Variants in USH2A observed in about 807,000 individuals in gnomAD.
USH2A encodes the protein Usher syndrome 2A (autosomal recessive, mild).
USH2A carries 443 observed loss-of-function variants against 538.9 expected under a neutral mutation model. The observed-to-expected ratio is 0.82, with a 90% CI of 0.76 to 0.89. USH2A has a LOEUF of 0.89. USH2A is among the 40% of genes least tolerant of loss of function. USH2A has a pLI of 0.00. For missense variants in USH2A, 6,633 were observed against 6,324.8 expected, an observed-to-expected ratio of 1.05 and a Z score of -1.65; for synonymous variants, 2,413 against 2,273.5, an observed-to-expected ratio of 1.06 and a Z score of -1.75.
chr1:215,906,486 A>G lies in USH2A; in HGVS notation c.7301-5581T>C, dbSNP rs548444883. 2.0e-5 allele frequency among the ~76,000 whole-genome samples: 3 copies of G among 152,180 alleles called. No homozygotes were observed. The East Asian group carries it at 5.8e-4, about 29-fold the overall frequency. ...TTAAGTTCAAAGGCAGTGCGCTCTT[A>G]ATTTTACACCCTGAAACAGCCTGCT... On this transcript the variant is annotated intron_variant, in intron 38 of 71. Coordinates refer to ENST00000307340, the MANE Select transcript of USH2A (RefSeq NM_206933.4).
At position 216,207,421 on chromosome 1, in the gene USH2A, C is replaced by G. The variant is rs570738406; in HGVS notation, c.3168G>C (p.Gln1056His). The G allele has an allele frequency of 1.9e-6, 3 of 1,613,916 alleles. No homozygotes were observed. The South Asian group carries it at 3.3e-5, about 18-fold the overall frequency. Reference protein sequence around the residue: ...NLLGCSKTPFQQPPPRGQVQS... With the variant: ...NLLGCSKTPFHQPPPRGQVQS... ...GAACTTGTCCTCTGGGCGGAGGTTG[C>G]TGGAATGGAGCTAAATTACAATGAA... Residue 1056 changes from glutamine (Q) to histidine (H), a missense_variant, in exon 16 of 72, where the codon CAG becomes CAC. Coordinates refer to ENST00000307340, the MANE Select transcript of USH2A (RefSeq NM_206933.4).
In USH2A at chr1:215,877,887, CA is replaced by C; in HGVS notation, c.8559-8del. The C allele has an allele frequency of 6.2e-7, 1 of 1,613,514 alleles. No individual in the cohort carries two copies. The highest frequency in any genetic ancestry group is 8.5e-7 in the Non-Finnish European group (1 of 1,179,582). On this transcript the variant is annotated splice_region_variant and splice_polypyrimidine_tract_variant and intron_variant, in intron 42 of 71. Coordinates refer to ENST00000307340, the MANE Select transcript of USH2A (RefSeq NM_206933.4). ...ACGTCTCAGAAGCTCATATCTAAAGCAAAAGACAAGCAGGAACATCAGGATT... is the reference window on the plus strand; with the variant it reads ...ACGTCTCAGAAGCTCATATCTAAAGCAAAGACAAGCAGGAACATCAGGATT...
rs1481712505 is a variant in USH2A at position 216,073,277 on chromosome 1, C to G, written c.5596G>C (p.Val1866Leu). The change falls in exon 28 of 72, where the codon GTT (valine) becomes CTT (leucine). Residue 1866 changes from valine (V) to leucine (L), a missense_variant. By Grantham distance (32) the Val-to-Leu change is conservative. Coordinates refer to ENST00000307340, the MANE Select transcript of USH2A (RefSeq NM_206933.4). Reference protein sequence around the residue: ...EQGFGGCMKDVKFTRGAVVNL... With the variant: ...EQGFGGCMKDLKFTRGAVVNL... The stretch of plus-strand genomic sequence containing the variant: ...ACGACAGCACCCCGTGTAAATTTAA[C>G]ATCCTTCATGCAACCACCGAAACCT... 1.2e-6 allele frequency: 2 copies of G among 1,613,558 alleles called. No individual in the cohort carries two copies.
At chr1:216,401,549 C>A (rs7539704) in intron 3 of USH2A, among the ~76,000 whole-genome samples, 5,094 of 152,032 alleles carry the variant, frequency 0.034, 116 homozygotes, top group South Asian at 0.072. Context: ...AATATGCTAT[C>A]TGTACAACAT....
rs1454474968 is a variant in USH2A at position 215,625,079 on chromosome 1, T to TTA, written c.*701_*702insTA. 1 of 152,300 alleles carries TTA rather than the reference T, an allele frequency of 6.6e-6. No individual in the cohort carries two copies. Among genetic ancestry groups the TTA allele is most frequent in the Non-Finnish European group, 1.5e-5 (1 of 68,088 alleles). The allele number at this position is 152,300 out of a possible 1,614,324, so 9.4% of individuals were successfully genotyped here. ...TTCTCCTCAAAATGTATAAATAAGC[T>TTA]GTTTACTCCTTAGATTTTTGGAAAA... On this transcript the variant is annotated 3_prime_UTR_variant, in exon 72 of 72. Transcript: ENST00000307340.
At position 215,779,832 on chromosome 1, in the gene USH2A, T is replaced by G; in HGVS notation, c.10939+11A>C. On this transcript the variant is annotated intron_variant, in intron 55 of 71. Coordinates refer to ENST00000307340, the MANE Select transcript of USH2A (RefSeq NM_206933.4). Reference sequence around the variant, plus strand: ...CCTCCAGTAGGATTTCCTTTTTTTTTGTTTTCTCACCTGTGACCGTATGCT... The same window carrying G: ...CCTCCAGTAGGATTTCCTTTTTTTTGGTTTTCTCACCTGTGACCGTATGCT... 1.2e-6 allele frequency: 2 copies of G among 1,613,312 alleles called. No homozygotes were observed. Among genetic ancestry groups the G allele is most frequent in the Non-Finnish European group, 1.7e-6 (2 of 1,179,962 alleles).
chr1:215,979,432 G>A (rs75969312), intron 35 of USH2A, among the ~76,000 whole-genome samples: 1 of 152,120 alleles, frequency 6.6e-6, no homozygotes, highest in Non-Finnish European at 1.5e-5. Context: ...GAGACCATTA[G>A]TGTTTTTATG....
At chr1:216,138,126 T>C (rs902749639) in intron 21 of USH2A, among the ~76,000 whole-genome samples, 25 of 152,174 alleles carry the variant, frequency 1.6e-4, no homozygotes, top group Non-Finnish European at 3.7e-4. Context: ...ATATAAACCA[T>C]ATGTAAAAAT....
intron 44 of USH2A, among the ~76,000 whole-genome samples, chr1:215,854,725 AC>A (rs1230337831): frequency 6.6e-6 from 1 of 152,110 alleles, no homozygotes; most frequent in Non-Finnish European, 1.5e-5. Context: ...GATTGATGGG[AC>A]TGTGTGTGCC....
At chr1:216,258,030 A>C (rs185370374) in intron 11 of USH2A, among the ~76,000 whole-genome samples, 4 of 152,192 alleles carry the variant, frequency 2.6e-5, no homozygotes. Flanking sequence ...ATTTTGATTG[A>C]TGCATTTACA....
chr1:216,317,220 C>T (rs574515748), intron 9 of USH2A, among the ~76,000 whole-genome samples: 182 of 152,112 alleles, frequency 1.2e-3, no homozygotes, highest in Middle Eastern at 0.01. Flanking sequence ...CTGTGTATTA[C>T]CAGAAATATA....
chr1:216,340,383 C>G lies in USH2A; in HGVS notation c.785-12729G>C, dbSNP rs967294879. On this transcript the variant is annotated intron_variant, in intron 4 of 71. Transcript: ENST00000307340. ...CAACCAAAAAAAGCACAGGACTAGA[C>G]AGATTCACAGCTGAATTCTACCAGA... 5.9e-5 allele frequency among the ~76,000 whole-genome samples: 9 copies of G among 151,952 alleles called. No individual in the cohort carries two copies. In the South Asian group the frequency reaches 6.2e-4, roughly 10 times the overall value.
intron 44 of USH2A, among the ~76,000 whole-genome samples, chr1:215,860,143 C>T (rs920993742): frequency 6.6e-6 from 1 of 152,186 alleles, no homozygotes; most frequent in African/African-American, 2.4e-5. Flanking sequence ...CACCAGAAAC[C>T]AAGTAAATAC....
rs1175946848 is a variant in USH2A, at chr1:216,376,764, A to T, written c.652-11679T>A. On this transcript the variant is annotated intron_variant, in intron 3 of 71. Coordinates refer to ENST00000307340, the MANE Select transcript of USH2A (RefSeq NM_206933.4). ...AAGGGCCATCAATCAGGCCCTCAAT[A>T]TGTAGACAGATATATAGAAAATCAT... 3.9e-5 allele frequency among the ~76,000 whole-genome samples: 6 copies of T among 152,158 alleles called. No homozygotes were observed. The South Asian group carries it at 8.3e-4, about 21-fold the overall frequency.
intron 13 of USH2A, among the ~76,000 whole-genome samples, chr1:216,239,229 A>G (rs779686887): frequency 1.3e-5 from 2 of 152,190 alleles, no homozygotes; most frequent in Non-Finnish European, 2.9e-5. Flanking sequence ...TGTGCAGACT[A>G]TATCTTGTTT....
intron 44 of USH2A, among the ~76,000 whole-genome samples, chr1:215,857,025 A>C (rs1664189431): frequency 6.6e-6 from 1 of 152,168 alleles, no homozygotes; most frequent in African/African-American, 2.4e-5. Context: ...GTAAGGATGC[A>C]AAGGCATAAG....
chr1:216,025,142 C>T (rs573678800), intron 32 of USH2A, among the ~76,000 whole-genome samples: 99 of 151,796 alleles, frequency 6.5e-4, no homozygotes, highest in African/African-American at 2.3e-3. Context: ...GTTTTTCAAG[C>T]TCTTTTGTTT....
intron 24 of USH2A, among the ~76,000 whole-genome samples, 158 bp downstream of exon 24, chr1:216,086,561 T>A (rs1478184751): frequency 6.6e-6 from 1 of 152,114 alleles, no homozygotes; most frequent in African/African-American, 2.4e-5. Context: ...AATACATGGT[T>A]CCTTTAAAAA....
intron 21 of USH2A, among the ~76,000 whole-genome samples, chr1:216,117,136 T>G (rs1220474762): frequency 6.6e-6 from 1 of 152,086 alleles, no homozygotes; most frequent in African/African-American, 2.4e-5. Context: ...CATGGTTTAG[T>G]AAAGATCCAG....
Sources: gnomAD v4.1 joint callset for allele counts (sites outside exome capture counted in the v4.1 genomes callset) on GRCh38, gnomAD v4.1.1 for gene constraint, MANE v1.5 for transcripts, NCBI Gene and HGNC (gene_info 2026-07-23, HGNC 2026-07-21) for gene names.